PDE12: variants seen among roughly 807,000 people sequenced by gnomAD.
The protein encoded by PDE12 is 2',5'-phosphodiesterase 12.
A neutral mutation model predicts 45.4 loss-of-function variants in PDE12; 26 were observed. The observed-to-expected ratio is 0.57, with a 90% CI of 0.42 to 0.79. PDE12 has a LOEUF of 0.79. Ranked by LOEUF, PDE12 falls within the 30% of genes least tolerant of loss-of-function variation. PDE12 has a pLI of 0.00. For missense variants in PDE12, 668 were observed against 790.0 expected (o/e 0.85, Z 1.85); for synonymous variants, 283 against 323.9 (o/e 0.87, Z 1.36).
rs2069777120 is a variant in PDE12 at position 57,565,434 on chromosome 3, C to T, written c.*5430C>T. The T allele has an allele frequency of 6.6e-6, 1 of 151,878 alleles. No homozygotes were observed. The highest frequency in any genetic ancestry group is 1.5e-5 in the Non-Finnish European group (1 of 68,046). The allele number at this position is 151,878 out of a possible 1,614,324, so 9.4% of individuals were successfully genotyped here. On this transcript the variant is annotated 3_prime_UTR_variant, in exon 3 of 3. Coordinates refer to ENST00000311180, the MANE Select transcript of PDE12 (RefSeq NM_177966.7). Reference sequence around the variant, plus strand: ...GATAGAGTAAATTGAGTATTCATCACATCAAGCATTCATTTGTGTTACGAA... The same window carrying T: ...GATAGAGTAAATTGAGTATTCATCATATCAAGCATTCATTTGTGTTACGAA...
At chr3:57,616,115 T>C in the PDE12 span, among the ~76,000 whole-genome samples, 1 of 151,824 alleles carries the variant, frequency 6.6e-6, no homozygotes, top group Non-Finnish European at 1.5e-5. Flanking sequence ...TTGAGCCCAG[T>C]AGTTGGAGAG....
the PDE12 span, among the ~76,000 whole-genome samples, chr3:57,622,275 A>G: frequency 6.6e-6 from 1 of 152,220 alleles, no homozygotes; most frequent in East Asian, 1.9e-4. Context: ...AAAAGGTTTG[A>G]GCACTTTACC....
At chr3:57,628,137 T>C in the PDE12 span, 1 of 1,542,370 alleles carries the variant, frequency 6.5e-7, no homozygotes, top group Non-Finnish European at 8.7e-7. Flanking sequence ...CTGAGAGATC[T>C]CCTTTGTGCG....
the PDE12 span, among the ~76,000 whole-genome samples, chr3:57,618,123 A>G: frequency 6.6e-6 from 1 of 152,118 alleles, no homozygotes; most frequent in South Asian, 2.1e-4. Flanking sequence ...TAAACACTGG[A>G]GATTCCAAAA....
chr3:57,586,433 G>C, the PDE12 span, among the ~76,000 whole-genome samples: 1 of 152,176 alleles, frequency 6.6e-6, no homozygotes, highest in Non-Finnish European at 1.5e-5. Flanking sequence ...CAGAAGCGAA[G>C]GCTACAGGCA....
rs765132789 is a variant in PDE12 at position 57,556,653 on chromosome 3, G to T, written c.274G>T (p.Ala92Ser). ...AAAGGGTCACGCTAAGGCGGCCGCC[G>T]CCAAGAAGAGCAGGAAGAGCCGGCC... is the stretch of plus-strand genomic sequence containing the variant. ...ALKGHAKAAA[A>S]KKSRKSRPNA... is the part of the protein sequence containing the mutation. The change falls in exon 1 of 3, where the codon GCC becomes TCC. Residue 92 changes from alanine to serine, a missense_variant. Coordinates refer to ENST00000311180, the MANE Select transcript of PDE12 (RefSeq NM_177966.7). The surrounding 1 kb of genome is among the most constrained non-coding windows in gnomAD (Gnocchi z 5.0). 6.9e-6 allele frequency: 11 copies of T among 1,600,042 alleles called. No individual in the cohort carries two copies. Among genetic ancestry groups the T allele is most frequent in the South Asian group, 1.1e-5 (1 of 90,460 alleles).
the PDE12 span, chr3:57,626,166 A>C: frequency 2.6e-5 from 4 of 152,582 alleles, no homozygotes; most frequent in Non-Finnish European, 5.9e-5. Context: ...TATTCTCTCT[A>C]TGACTTTGAG....
chr3:57,635,717 A>C, the PDE12 span, among the ~76,000 whole-genome samples: 1 of 152,240 alleles, frequency 6.6e-6, no homozygotes, highest in Non-Finnish European at 1.5e-5. Context: ...ATATTGCTAA[A>C]AAATTTTAAG....
the PDE12 span, among the ~76,000 whole-genome samples, chr3:57,576,471 C>T: frequency 1.4e-5 from 2 of 144,026 alleles, no homozygotes; most frequent in Admixed American, 7.0e-5. Flanking sequence ...AAAAGGATGA[C>T]ATTTATAGTG....
chr3:57,590,057 T>A, the PDE12 span, among the ~76,000 whole-genome samples: 1 of 146,026 alleles, frequency 6.8e-6, no homozygotes, highest in Non-Finnish European at 1.5e-5. Flanking sequence ...GCCACTGCAC[T>A]CCAGCCTGGG....
Position 57,556,350 on chromosome 3 carries a change from G to C in PDE12, c.-30G>C. The C allele has an allele frequency of 6.5e-7, 1 of 1,528,988 alleles. No homozygotes were observed. The highest frequency in any genetic ancestry group is 8.8e-7 in the Non-Finnish European group (1 of 1,136,396). 94.7% of individuals were successfully genotyped at this position (1,528,988 alleles called of 1,614,324 possible). A position where few individuals can be genotyped will look rare whatever the true frequency, so the allele number is the denominator to read the frequency against. On this transcript the variant is annotated 5_prime_UTR_variant, in exon 1 of 3. Transcript: ENST00000311180. The surrounding 1 kb of genome is among the most constrained non-coding windows in gnomAD (Gnocchi z 5.0). ...GACAGTAGGCCGCTGATCGGCCGCG[G>C]GTCTTGTCGACCGCTAGGCCACCAG...
chr3:57,635,660 C>G, the PDE12 span, among the ~76,000 whole-genome samples: 90 of 152,222 alleles, frequency 5.9e-4, no homozygotes, highest in Middle Eastern at 0.01. Context: ...TGTGGTATAT[C>G]TGGGGGTGAG....
the PDE12 span, chr3:57,575,437 T>C: frequency 9.4e-7 from 1 of 1,064,778 alleles, no homozygotes; most frequent in Non-Finnish European, 1.3e-6. Context: ...AATGATGTGC[T>C]CATTATTTGT....
chr3:57,610,635 A>G, the PDE12 span, among the ~76,000 whole-genome samples: 2 of 152,290 alleles, frequency 1.3e-5, no homozygotes, highest in South Asian at 4.2e-4. Context: ...CCCATTCACA[A>G]TTGCTTCAAA....
chr3:57,583,716 C>T, the PDE12 span, among the ~76,000 whole-genome samples: 1 of 152,270 alleles, frequency 6.6e-6, no homozygotes, highest in South Asian at 2.1e-4. Flanking sequence ...ACAACTCTTC[C>T]ACCCTATATA....
the PDE12 span, chr3:57,575,412 C>A: frequency 1.2e-5 from 10 of 841,500 alleles, no homozygotes; most frequent in East Asian, 7.1e-5. Flanking sequence ...AAGTTTATTA[C>A]CATATTTTTA....
At chr3:57,597,768 C>G in the PDE12 span, 1 of 152,654 alleles carries the variant, frequency 6.6e-6, no homozygotes, top group African/African-American at 2.4e-5. Context: ...GAACCTCGCC[C>G]TCTTCTATTA....
the PDE12 span, among the ~76,000 whole-genome samples, chr3:57,607,927 C>T: frequency 6.6e-6 from 1 of 152,076 alleles, no homozygotes; most frequent in Non-Finnish European, 1.5e-5. Flanking sequence ...CTCCAAGACA[C>T]ATAATTGTCA....
chr3:57,573,587 G>A, the PDE12 span, among the ~76,000 whole-genome samples: 1 of 152,036 alleles, frequency 6.6e-6, no homozygotes, highest in Non-Finnish European at 1.5e-5. Context: ...TTGATTGATC[G>A]ACTGATTGTT....
Sources: gnomAD v4.1 joint callset for allele counts (sites outside exome capture counted in the v4.1 genomes callset) on GRCh38, gnomAD v4.1.1 for gene constraint, Gnocchi (gnomAD v3.1) non-coding constraint, MANE v1.5 for transcripts, NCBI Gene and HGNC (gene_info 2026-07-23, HGNC 2026-07-21) for gene names.